The following KCNAB1 variants were observed in gnomAD, a reference collection of about 807,000 sequenced individuals.
KCNAB1 encodes the protein voltage-gated potassium channel subunit beta-1.
In KCNAB1, 35 loss-of-function variants were observed where a neutral mutation model predicts 64.6. That is an observed-to-expected ratio of 0.54 (90% CI 0.41 to 0.72). The LOEUF is 0.72. KCNAB1 is among the 30% of genes least tolerant of loss of function. The pLI is 0.00. For synonymous variants in KCNAB1, 177 were observed against 183.8 expected (o/e 0.96, Z 0.30); for missense variants, 401 against 512.9 (o/e 0.78, Z 2.11).
intron 2 of KCNAB1, among the ~76,000 whole-genome samples, chr3:156,439,096 C>A (rs919764145): frequency 6.6e-6 from 1 of 151,914 alleles, no homozygotes; most frequent in Non-Finnish European, 1.5e-5. Flanking sequence ...CAGCCACTTA[C>A]CAGCAAATAA....
At chr3:156,174,959 G>A (rs550361745) in intron 1 of KCNAB1, among the ~76,000 whole-genome samples, 15 of 152,264 alleles carry the variant, frequency 9.9e-5, no homozygotes, top group African/African-American at 3.6e-4. Flanking sequence ...GGGAAACATG[G>A]TGTTTCTCTG....
intron 2 of KCNAB1, among the ~76,000 whole-genome samples, chr3:156,442,069 CTTTAT>C (rs1435848566): frequency 1.3e-5 from 2 of 152,042 alleles, no homozygotes; most frequent in Non-Finnish European, 2.9e-5. Context: ...GACTTTTTGG[CTTTAT>C]TTTATTTTAA....
intron 1 of KCNAB1, among the ~76,000 whole-genome samples, chr3:156,415,704 T>C (rs983048406): frequency 2.0e-5 from 3 of 152,164 alleles, no homozygotes; most frequent in Non-Finnish European, 2.9e-5. Context: ...TCAATTTTCT[T>C]TGCCGATGCA....
At chr3:156,229,315 G>T (rs1012534808) in intron 1 of KCNAB1, among the ~76,000 whole-genome samples, 6 of 152,132 alleles carry the variant, frequency 3.9e-5, no homozygotes, top group African/African-American at 1.4e-4. Context: ...GCAGGAGGAA[G>T]AGAGTGGGGA....
chr3:156,329,260 C>A (rs1723178575), intron 1 of KCNAB1, among the ~76,000 whole-genome samples: 1 of 152,090 alleles, frequency 6.6e-6, no homozygotes, highest in Non-Finnish European at 1.5e-5. Context: ...CCCCTTCCTT[C>A]CCCCACCACC....
At chr3:156,354,162 A>G (rs1468381981) in intron 1 of KCNAB1, among the ~76,000 whole-genome samples, 1 of 144,918 alleles carries the variant, frequency 6.9e-6, no homozygotes, top group African/African-American at 2.5e-5. Context: ...ATATATATGT[A>G]TATATTTTTT....
intron 1 of KCNAB1, among the ~76,000 whole-genome samples, chr3:156,144,948 C>T (rs146027003): frequency 1.6e-4 from 25 of 152,306 alleles, no homozygotes; most frequent in African/African-American, 5.3e-4. Context: ...TAGAGGAACA[C>T]GTTCTTCAGA....
At chr3:156,225,750 A>C (rs752964045) in intron 1 of KCNAB1, among the ~76,000 whole-genome samples, 36 of 152,232 alleles carry the variant, frequency 2.4e-4, no homozygotes, top group Non-Finnish European at 3.7e-4. Flanking sequence ...AATGCACACA[A>C]ATCAGTAGCT....
At chr3:156,143,794 T>C (rs1277417949) in intron 1 of KCNAB1, among the ~76,000 whole-genome samples, 1 of 151,502 alleles carries the variant, frequency 6.6e-6, no homozygotes, top group Non-Finnish European at 1.5e-5. Flanking sequence ...AGAATTTTTT[T>C]TTTTAATGCT....
intron 1 of KCNAB1, among the ~76,000 whole-genome samples, chr3:156,192,633 A>G (rs1004274788): frequency 6.6e-6 from 1 of 152,012 alleles, no homozygotes; most frequent in Non-Finnish European, 1.5e-5. Flanking sequence ...TGGCAATTCT[A>G]TCAGTTTTTG....
chr3:156,419,613 C>T (rs971531777), intron 1 of KCNAB1, among the ~76,000 whole-genome samples: 1 of 152,042 alleles, frequency 6.6e-6, no homozygotes, highest in Non-Finnish European at 1.5e-5. Context: ...CTTCTCCCTA[C>T]TGAAAGACAT....
intron 1 of KCNAB1, among the ~76,000 whole-genome samples, chr3:156,415,813 A>G (rs1008950473): frequency 2.0e-5 from 3 of 152,052 alleles, no homozygotes; most frequent in Non-Finnish European, 4.4e-5. Context: ...GACCCAGCCC[A>G]TGGTGCCTGT....
intron 1 of KCNAB1, among the ~76,000 whole-genome samples, chr3:156,380,379 T>C (rs1472613342): frequency 6.6e-6 from 1 of 152,268 alleles, no homozygotes; most frequent in Non-Finnish European, 1.5e-5. Flanking sequence ...TATGCATTCC[T>C]TGGTGTACTG....
intron 1 of KCNAB1, among the ~76,000 whole-genome samples, chr3:156,409,088 A>ATGATTTTCACTCT (rs1232229073): frequency 2.0e-5 from 3 of 152,262 alleles, no homozygotes; most frequent in African/African-American, 7.2e-5. Flanking sequence ...ACTTTACATA[A>ATGATTTTCACTCT]TGATTTTCAC....
rs1363231073 is a variant in KCNAB1, at chr3:156,452,795, C to T, written c.320-104C>T. The T allele has an allele frequency of 5.1e-6, 4 of 783,564 alleles. No homozygotes were observed. Among genetic ancestry groups the T allele is most frequent in the Non-Finnish European group, 8.5e-6 (4 of 472,442 alleles). The allele number at this position is 783,564 out of a possible 1,614,324, so 48.5% of individuals were successfully genotyped here. On this transcript the variant is annotated intron_variant, in intron 2 of 13. Transcript: ENST00000490337. This position sits in a 1 kb window ranked among gnomAD's most constrained non-coding sequence, Gnocchi z 4.6. ...CTCATCCAGGTACCTTTGTGAACTA[C>T]CCATACAACCTATTGAGGTAGTCCC... is the stretch of plus-strand genomic sequence containing the variant.
intron 8 of KCNAB1, among the ~76,000 whole-genome samples, chr3:156,512,366 T>C (rs1203504739): frequency 6.6e-6 from 1 of 152,272 alleles, no homozygotes; most frequent in Admixed American, 6.5e-5. Flanking sequence ...CCAAGCCACC[T>C]GTCAGCATTC....
Position 156,143,432 on chromosome 3 carries a change from T to G in KCNAB1, c.275+22546T>G, listed in dbSNP as rs751341619. 4.6e-6 allele frequency: 7 copies of G among 1,534,540 alleles called. No homozygotes were observed. In the South Asian group the frequency reaches 9.0e-5, roughly 20 times the overall value. On this transcript the variant is annotated intron_variant, in intron 1 of 13. Transcript: ENST00000490337. ...GGCATGGCATACAGGTACTGCTGAT[T>G]GCAAAGTCATCCAACCAGGGCACTG...
intron 1 of KCNAB1, among the ~76,000 whole-genome samples, chr3:156,195,926 T>C (rs1334169577): frequency 1.3e-5 from 2 of 152,080 alleles, no homozygotes; most frequent in African/African-American, 2.4e-5. Context: ...TTAGGTTTTA[T>C]GCTTAAGTCT....
In KCNAB1 at chr3:156,288,924, C is replaced by T. The variant is rs1720242272; in HGVS notation, c.276-132692C>T. Reference sequence around the variant, plus strand: ...AATATGGCATCTTCCCATCCACCTACCTTCCTTCCTTTCTTCCTCCCTCTT... The same window carrying T: ...AATATGGCATCTTCCCATCCACCTATCTTCCTTCCTTTCTTCCTCCCTCTT... On this transcript the variant is annotated intron_variant, in intron 1 of 13. Coordinates refer to ENST00000490337, the MANE Select transcript of KCNAB1 (RefSeq NM_172160.3). 1.3e-5 allele frequency among the ~76,000 whole-genome samples: 2 copies of T among 152,150 alleles called. 1 individual carries two copies. The highest frequency in any genetic ancestry group is 4.2e-4 in the South Asian group (2 of 4,812).
Sources: gnomAD v4.1 joint callset for allele counts (sites outside exome capture counted in the v4.1 genomes callset) on GRCh38, gnomAD v4.1.1 for gene constraint, Gnocchi (gnomAD v3.1) non-coding constraint, MANE v1.5 for transcripts, NCBI Gene and HGNC (gene_info 2026-07-23, HGNC 2026-07-21) for gene names.